NRXN3: variants seen among roughly 807,000 people sequenced by gnomAD.
NRXN3 encodes neurexin 3, also known as neurexin III.
Under a neutral mutation model 137.6 loss-of-function variants are expected in NRXN3, and 32 were observed. The ratio of observed to expected loss-of-function variants is 0.23; its 90% CI spans 0.18 to 0.31. The LOEUF is 0.31. NRXN3 is among the 10% of genes least tolerant of loss of function. The probability of loss-of-function intolerance (pLI) is 1.00; values close to 1 mark genes in which losing one functional copy is unlikely to be tolerated. For missense variants in NRXN3, 1,574 were observed against 2,062.5 expected (o/e 0.76, Z 4.59); for synonymous variants, 798 against 784.5 (o/e 1.02, Z -0.29).
At chr14:78,602,346 C>T (rs1361918686) in intron 4 of NRXN3, 1 of 149,360 alleles carries the variant, frequency 6.7e-6, no homozygotes, top group Admixed American at 6.7e-5. Flanking sequence ...CCAGGTGGCC[C>T]ATGTACTGGA....
intron 10 of NRXN3, among the ~76,000 whole-genome samples, chr14:78,945,301 T>A (rs1176414044): frequency 6.6e-6 from 1 of 152,196 alleles, no homozygotes; most frequent in Non-Finnish European, 1.5e-5. Flanking sequence ...TGTTCTCCCA[T>A]CATTTTCTGT....
At chr14:78,292,024 G>T (rs551435465) in intron 3 of NRXN3, among the ~76,000 whole-genome samples, 53 of 152,310 alleles carry the variant, frequency 3.5e-4, no homozygotes, top group African/African-American at 1.3e-3. Flanking sequence ...ATCTGAGGTG[G>T]GTGGGATATT....
chr14:79,235,406 G>T (rs2073191238), intron 15 of NRXN3, among the ~76,000 whole-genome samples: 1 of 152,142 alleles, frequency 6.6e-6, no homozygotes, highest in Non-Finnish European at 1.5e-5. Context: ...CCCTCCACCA[G>T]AGAGTGAATG....
At chr14:79,044,816 G>A (rs576281046) in intron 15 of NRXN3, among the ~76,000 whole-genome samples, 251 of 119,900 alleles carry the variant, frequency 2.1e-3, no homozygotes, top group African/African-American at 6.5e-3. Flanking sequence ...TTTCTGATTA[G>A]CACCTCTAGT....
chr14:78,187,265 G>GT (rs34593677), intron 1 of NRXN3, among the ~76,000 whole-genome samples: 1,611 of 145,444 alleles, frequency 0.011, 17 homozygotes, highest in East Asian at 0.052. Context: ...GTGTGTGTGT[G>GT]TTTTTTTTTT....
At chr14:79,633,644 T>C (rs917914046) in intron 16 of NRXN3, among the ~76,000 whole-genome samples, 2 of 152,200 alleles carry the variant, frequency 1.3e-5, no homozygotes, top group African/African-American at 4.8e-5. Context: ...TTCAAGAACT[T>C]AAGAGGATTT....
rs563199532 is a variant in NRXN3, at chr14:78,522,875, A to G, written c.758-122245A>G. ...AGCGAGAGAAGAGCTTGTCTGAACT[A>G]TGGAGGGAAAAATAGAGAATCAATA... On this transcript the variant is annotated intron_variant, in intron 4 of 20. Transcript: ENST00000335750. Among the ~76,000 whole-genome samples the G allele has an allele frequency of 7.2e-5, 11 of 152,300 alleles. No individual in the cohort carries two copies. The East Asian group carries it at 2.1e-3, about 29-fold the overall frequency.
chr14:78,848,879 G>A (rs565029975), intron 10 of NRXN3, among the ~76,000 whole-genome samples: 2 of 152,218 alleles, frequency 1.3e-5, no homozygotes, highest in Non-Finnish European at 1.5e-5. Context: ...AGCCATGAAG[G>A]ATGGGTAAGA....
chr14:78,924,971 A>G (rs2099281840), intron 10 of NRXN3, among the ~76,000 whole-genome samples: 1 of 152,202 alleles, frequency 6.6e-6, no homozygotes, highest in South Asian at 2.1e-4. Context: ...GTGAGTATTC[A>G]CAAGCAAGAA....
chr14:78,491,212 G>A (rs1158028314), intron 4 of NRXN3, among the ~76,000 whole-genome samples: 2 of 152,164 alleles, frequency 1.3e-5, no homozygotes, highest in African/African-American at 4.8e-5. Context: ...TGGGAATTGG[G>A]ATCAGCTGTG....
intron 20 of NRXN3, among the ~76,000 whole-genome samples, chr14:79,819,490 T>TTC (rs1297971022): frequency 3.0e-5 from 4 of 135,216 alleles, no homozygotes; most frequent in African/African-American, 8.7e-5. Context: ...AGCTTTTTTT[T>TTC]TTTTTTTTTT....
chr14:79,810,485 A>G (rs553612053), intron 20 of NRXN3, among the ~76,000 whole-genome samples: 24 of 152,344 alleles, frequency 1.6e-4, no homozygotes, highest in Non-Finnish European at 2.6e-4. Flanking sequence ...TAATGGCAGT[A>G]ATATGAGATG....
intron 19 of NRXN3, among the ~76,000 whole-genome samples, chr14:79,724,345 C>A (rs1022515259): frequency 6.6e-6 from 1 of 152,096 alleles, no homozygotes; most frequent in Non-Finnish European, 1.5e-5. Flanking sequence ...GAAAATGTCA[C>A]AACATACTCT....
rs1188609899 is a variant in NRXN3 at position 79,073,038 on chromosome 14, C to G, written c.3262+84897C>G. Reference sequence around the variant, plus strand: ...AGTAGCTGGAATTACAGGTGCCCACCACCACGCCTGGCTAATTTTTGTATT... The same window carrying G: ...AGTAGCTGGAATTACAGGTGCCCACGACCACGCCTGGCTAATTTTTGTATT... On this transcript the variant is annotated intron_variant, in intron 15 of 20. Transcript: ENST00000335750. 2.0e-5 allele frequency among the ~76,000 whole-genome samples: 3 copies of G among 152,034 alleles called. No homozygotes were observed. The South Asian group carries it at 6.2e-4, about 32-fold the overall frequency.
Position 78,709,979 on chromosome 14 carries a change from T to C in NRXN3, c.1660+324T>C, listed in dbSNP as rs558832213. ...TGTCACTGGTGTGATCCGCCCCCAT[T>C]GCCCCATTCTTTGCTTCTCTTTTTC... On this transcript the variant is annotated intron_variant, in intron 7 of 20. Transcript: ENST00000335750. 256 of 281,354 alleles carry C rather than the reference T, an allele frequency of 9.1e-4. 1 individual carries two copies. The highest frequency in any genetic ancestry group is 5.2e-3 in the African/African-American group (239 of 45,654). The allele number at this position is 281,354 out of a possible 1,614,324, so 17.4% of individuals were successfully genotyped here. A position where few individuals can be genotyped will look rare whatever the true frequency, so the allele number is the denominator to read the frequency against.
intron 8 of NRXN3, among the ~76,000 whole-genome samples, chr14:78,783,010 C>A (rs1386902123): frequency 6.6e-6 from 1 of 152,138 alleles, no homozygotes; most frequent in Non-Finnish European, 1.5e-5. Context: ...ATATTGCAAG[C>A]AAGATCACTG....
intron 15 of NRXN3, among the ~76,000 whole-genome samples, chr14:79,202,610 A>C (rs898212083): frequency 2.0e-5 from 3 of 152,138 alleles, no homozygotes; most frequent in Non-Finnish European, 2.9e-5. Flanking sequence ...TAGTTCCCAC[A>C]TATCAGTGAG....
chr14:79,498,246 G>C (rs976183903), intron 16 of NRXN3, among the ~76,000 whole-genome samples: 4 of 152,054 alleles, frequency 2.6e-5, no homozygotes, highest in African/African-American at 9.7e-5. Context: ...CTTACTCCTG[G>C]GAACTATTAA....
chr14:79,804,011 G>A (rs1252350127), intron 19 of NRXN3, among the ~76,000 whole-genome samples: 1 of 149,622 alleles, frequency 6.7e-6, no homozygotes, highest in Non-Finnish European at 1.5e-5. Context: ...GTATGTATAT[G>A]TATGTCTAGG....
Sources: allele counts gnomAD v4.1 joint callset (sites outside exome capture counted in the v4.1 genomes callset), GRCh38; gene constraint gnomAD v4.1.1; transcripts MANE v1.5; gene names NCBI Gene and HGNC (gene_info 2026-07-23, HGNC 2026-07-21).